Variants in TOX2 observed in about 807,000 individuals in gnomAD.
TOX2 encodes granulosa cell HMG box 1.
In TOX2, 15 loss-of-function variants were observed where a neutral mutation model predicts 47.4. The observed-to-expected ratio is 0.32, with a 90% CI of 0.21 to 0.49. TOX2 has a LOEUF of 0.49. Ranked by LOEUF, TOX2 falls within the 20% of genes least tolerant of loss-of-function variation. The pLI is 0.99. For missense variants in TOX2, 622 were observed against 673.1 expected, an observed-to-expected ratio of 0.92 and a Z score of 0.84; for synonymous variants, 290 against 296.6, an observed-to-expected ratio of 0.98 and a Z score of 0.23.
intron 7 of TOX2, 137 bp from the exon 8 acceptor site, chr20:44,066,592 AG>A: frequency 1.5e-6 from 2 of 1,330,894 alleles, no homozygotes; most frequent in Non-Finnish European, 2.1e-6. Flanking sequence ...CTCTACTGGG[AG>A]CAAGGCAGCA....
At chr20:43,978,148 G>A (rs1370230627) in intron 2 of TOX2, among the ~76,000 whole-genome samples, 5 of 152,170 alleles carry the variant, frequency 3.3e-5, no homozygotes, top group Non-Finnish European at 7.3e-5. Flanking sequence ...TGTGAGTGTT[G>A]GCTGCTAACT....
At chr20:44,018,367 T>G (rs1345309828) in intron 3 of TOX2, among the ~76,000 whole-genome samples, 1 of 152,206 alleles carries the variant, frequency 6.6e-6, no homozygotes, top group East Asian at 1.9e-4. Flanking sequence ...GTATGAACTC[T>G]GAGAGCTGCT....
rs1225449157 is a variant in TOX2 at position 43,927,674 on chromosome 20, T to C, written c.99+12684T>C. Reference sequence around the variant, plus strand: ...CCTTCCCTTCCCCTTCCTTCCTTCCTTTCTTCCTTCCTTCCCTTCCCCTTC... The same window carrying C: ...CCTTCCCTTCCCCTTCCTTCCTTCCCTTCTTCCTTCCTTCCCTTCCCCTTC... On this transcript the variant is annotated intron_variant, in intron 1 of 8. Transcript: ENST00000341197. Among the ~76,000 whole-genome samples, 5 of 111,854 alleles carry C rather than the reference T, an allele frequency of 4.5e-5. 1 individual carries two copies. Among genetic ancestry groups the C allele is most frequent in the African/African-American group, 1.8e-4 (4 of 22,586 alleles). The allele number at this position is 111,854 out of a possible 152,430, so 73.4% of individuals were successfully genotyped here.
intron 1 of TOX2, among the ~76,000 whole-genome samples, chr20:43,957,209 C>G (rs1435536885): frequency 1.3e-5 from 2 of 152,160 alleles, no homozygotes; most frequent in African/African-American, 4.8e-5. Flanking sequence ...ACTCTTTAAT[C>G]CATTCGGAGT....
chr20:44,044,098 TA>T (rs1220415331), intron 3 of TOX2, among the ~76,000 whole-genome samples: 10 of 147,174 alleles, frequency 6.8e-5, no homozygotes, highest in Non-Finnish European at 1.2e-4. Flanking sequence ...TATGCAGCCA[TA>T]AAAAAGGATG....
intron 2 of TOX2, among the ~76,000 whole-genome samples, chr20:43,977,736 A>G (rs988796707): frequency 2.0e-5 from 3 of 152,106 alleles, no homozygotes; most frequent in African/African-American, 7.2e-5. Context: ...TGGCCTGAGA[A>G]TGAGATATAA....
rs533347059 is a variant in TOX2 at position 44,009,640 on chromosome 20, C to A, written c.411+2848C>A. Among the ~76,000 whole-genome samples, 4 of 152,326 alleles carry A rather than the reference C, an allele frequency of 2.6e-5. No individual in the cohort carries two copies. The East Asian group carries it at 7.7e-4, about 29-fold the overall frequency. ...GTAGGATATAAATAACTCCCACATG[C>A]TTAGCGTTTCAGTAATGGAACACTA... On this transcript the variant is annotated intron_variant, in intron 3 of 8. Coordinates refer to ENST00000341197, the MANE Select transcript of TOX2 (RefSeq NM_001098797.2).
chr20:43,974,454 G>A (rs971681495), intron 2 of TOX2, among the ~76,000 whole-genome samples: 1 of 152,220 alleles, frequency 6.6e-6, no homozygotes, highest in African/African-American at 2.4e-5. Context: ...TAAGGCAGTG[G>A]TGCTTGCTGG....
chr20:44,018,756 T>C (rs909005810), intron 3 of TOX2, among the ~76,000 whole-genome samples: 1 of 152,190 alleles, frequency 6.6e-6, no homozygotes, highest in Non-Finnish European at 1.5e-5. Context: ...CGGGGGACTA[T>C]GGAAGACTGG....
At chr20:44,025,016 G>T (rs2071038271) in intron 3 of TOX2, among the ~76,000 whole-genome samples, 1 of 152,080 alleles carries the variant, frequency 6.6e-6, no homozygotes, top group African/African-American at 2.4e-5. Context: ...CCTTTTAGTG[G>T]CTAGATAACA....
At chr20:43,973,536 C>G in intron 2 of TOX2, 104 bp downstream of exon 2, 4 of 904,198 alleles carry the variant, frequency 4.4e-6, no homozygotes, top group Non-Finnish European at 7.1e-6. Context: ...GCCAGCACAG[C>G]CCGCTGCTGT....
chr20:44,028,635 CAG>C (rs2071101362), intron 3 of TOX2, among the ~76,000 whole-genome samples: 2 of 13,452 alleles, frequency 1.5e-4, no homozygotes, highest in African/African-American at 2.1e-4. Context: ...TCCAGTGATA[CAG>C]ACAGACAAAG....
chr20:43,954,631 C>A (rs536342314), intron 1 of TOX2, among the ~76,000 whole-genome samples: 30 of 152,322 alleles, frequency 2.0e-4, no homozygotes, highest in Non-Finnish European at 3.4e-4. Context: ...GGACAGACAC[C>A]AGGCAGGGGC....
chr20:43,949,111 C>T (rs1382011946), intron 1 of TOX2, among the ~76,000 whole-genome samples: 1 of 152,198 alleles, frequency 6.6e-6, no homozygotes, highest in Non-Finnish European at 1.5e-5. Flanking sequence ...CTGATTCACA[C>T]CCTCCGTCAC....
At chr20:43,922,762 G>A (rs2069124724) in intron 1 of TOX2, among the ~76,000 whole-genome samples, 1 of 152,160 alleles carries the variant, frequency 6.6e-6, no homozygotes, top group African/African-American at 2.4e-5. Context: ...GCCAGGATGA[G>A]CAACCTGATT....
At chr20:44,031,688 G>A (rs1306109097) in intron 3 of TOX2, among the ~76,000 whole-genome samples, 1 of 152,090 alleles carries the variant, frequency 6.6e-6, no homozygotes, top group Non-Finnish European at 1.5e-5. Flanking sequence ...TGCCCATTAA[G>A]AGACTTACCA....
At chr20:44,006,474 TA>T in intron 2 of TOX2, 72 bp from the exon 3 acceptor site, 4 of 1,531,448 alleles carry the variant, frequency 2.6e-6, no homozygotes, top group Non-Finnish European at 2.6e-6. Flanking sequence ...TTGTTGCTGT[TA>T]TTGGTGCTGT....
At chr20:43,987,381 A>G (rs1051455245) in intron 2 of TOX2, among the ~76,000 whole-genome samples, 1 of 152,156 alleles carries the variant, frequency 6.6e-6, no homozygotes, top group African/African-American at 2.4e-5. Flanking sequence ...GGGAGTGACT[A>G]TAGGGGCTTT....
intron 1 of TOX2, among the ~76,000 whole-genome samples, chr20:43,952,813 C>T (rs2145396970): frequency 6.6e-6 from 1 of 152,272 alleles, no homozygotes; most frequent in South Asian, 2.1e-4. Context: ...ACTTACGGGA[C>T]TCACTGTGGG....
Sources: gnomAD v4.1 joint callset for allele counts (sites outside exome capture counted in the v4.1 genomes callset) on GRCh38, gnomAD v4.1.1 for gene constraint, MANE v1.5 for transcripts, NCBI Gene and HGNC (gene_info 2026-07-23, HGNC 2026-07-21) for gene names.